Variants in PRKD1 observed in about 807,000 individuals in gnomAD.
PRKD1 encodes protein kinase D1.
Under a neutral mutation model 95.9 loss-of-function variants are expected in PRKD1, and 63 were observed. That is an observed-to-expected ratio of 0.66 (90% CI 0.54 to 0.81). PRKD1 has a LOEUF of 0.81. PRKD1 is among the 30% of genes least tolerant of loss of function. The pLI, the probability that PRKD1 is intolerant of heterozygous loss-of-function variation, is 0.00. For missense variants in PRKD1, 1,048 were observed against 1,165.3 expected (o/e 0.90, Z 1.47); for synonymous variants, 425 against 423.1 (o/e 1.00, Z -0.05).
intron 1 of PRKD1, among the ~76,000 whole-genome samples, chr14:29,839,849 G>A (rs1891760500): frequency 6.6e-6 from 1 of 151,986 alleles, no homozygotes; most frequent in African/African-American, 2.4e-5. Context: ...TGGAGCAGCT[G>A]GGATGCAGGG....
intron 1 of PRKD1, among the ~76,000 whole-genome samples, chr14:29,911,337 A>T (rs1048738915): frequency 3.9e-5 from 6 of 152,304 alleles, no homozygotes; most frequent in African/African-American, 1.4e-4. Context: ...CAAATCTGTT[A>T]GACTTATTAA....
intron 1 of PRKD1, among the ~76,000 whole-genome samples, chr14:29,826,263 TATAC>T (rs1284112787): frequency 3.4e-4 from 2 of 5,924 alleles, no homozygotes; most frequent in African/African-American, 1.2e-3. Context: ...GGAATATATA[TATAC>T]ATATATATGA....
At chr14:29,797,120 A>C (rs1889851578) in intron 1 of PRKD1, among the ~76,000 whole-genome samples, 1 of 152,208 alleles carries the variant, frequency 6.6e-6, no homozygotes, top group African/African-American at 2.4e-5. Flanking sequence ...CAGACCTACG[A>C]TAAAAAGGGA....
intron 1 of PRKD1, among the ~76,000 whole-genome samples, chr14:29,871,163 G>A (rs1317960942): frequency 6.6e-6 from 1 of 152,130 alleles, no homozygotes; most frequent in Non-Finnish European, 1.5e-5. Context: ...TCAAAACTGA[G>A]CAGAGACCTT....
At chr14:29,770,935 A>C (rs1295194926) in intron 1 of PRKD1, among the ~76,000 whole-genome samples, 1 of 149,810 alleles carries the variant, frequency 6.7e-6, no homozygotes, top group African/African-American at 2.4e-5. Context: ...CTGTCCAAAA[A>C]AAAAAAAAAA....
chr14:29,669,189 T>C (rs1359491362), intron 2 of PRKD1, among the ~76,000 whole-genome samples: 4 of 152,190 alleles, frequency 2.6e-5, no homozygotes, highest in African/African-American at 9.7e-5. Flanking sequence ...AAAAAATTAA[T>C]CCAGTTCTCA....
Position 29,927,269 on chromosome 14 carries a change from A to C in PRKD1, c.244T>G (p.Cys82Gly), listed in dbSNP as rs1474657301. Residue 82 changes from cysteine (C) to glycine (G), a missense_variant, in exon 1 of 18, where the codon TGC (cysteine) becomes GGC (glycine). Transcript: ENST00000331968. Reference protein sequence around the residue: ...YSLAHVREMACSIVDQKFPEC... With the variant: ...YSLAHVREMAGSIVDQKFPEC... ...CTTACCTTCTGGTCGACAATGGAGC[A>C]AGCCATCTCGCGGACGTGCGCCAGG... is the stretch of plus-strand genomic sequence containing the variant. The C allele has an allele frequency of 1.3e-6, 2 of 1,522,956 alleles. No individual in the cohort carries two copies. The highest frequency in any genetic ancestry group is 5.5e-5 in the East Asian group (2 of 36,282). 94.3% of individuals were successfully genotyped at this position (1,522,956 alleles called of 1,614,324 possible). A position where few individuals can be genotyped will look rare whatever the true frequency, so the allele number is the denominator to read the frequency against.
intron 2 of PRKD1, among the ~76,000 whole-genome samples, chr14:29,681,714 C>T (rs923321563): frequency 6.6e-6 from 1 of 152,168 alleles, no homozygotes; most frequent in African/African-American, 2.4e-5. Flanking sequence ...AGTAACTATA[C>T]ACTTAAATAT....
chr14:29,626,315 G>C (rs1302938610), intron 12 of PRKD1, among the ~76,000 whole-genome samples, 169 bp downstream of exon 12: 1 of 152,000 alleles, frequency 6.6e-6, no homozygotes, highest in Non-Finnish European at 1.5e-5. Context: ...AATTTTCCAA[G>C]TAGTAACTAT....
At chr14:29,854,774 G>T (rs755185217) in intron 1 of PRKD1, among the ~76,000 whole-genome samples, 3 of 152,188 alleles carry the variant, frequency 2.0e-5, no homozygotes, top group Non-Finnish European at 4.4e-5. Context: ...GGTTTCGTGG[G>T]CTGAGTCCAG....
At chr14:29,762,995 C>T (rs7161324) in intron 1 of PRKD1, among the ~76,000 whole-genome samples, 26,400 of 151,856 alleles carry the variant, frequency 0.17, 2,461 homozygotes, top group South Asian at 0.23. Context: ...CCACCCATCT[C>T]GGCCTCCCAA....
At chr14:29,655,638 T>TA (rs1440107518) in intron 4 of PRKD1, among the ~76,000 whole-genome samples, 1 of 152,152 alleles carries the variant, frequency 6.6e-6, no homozygotes, top group African/African-American at 2.4e-5. Flanking sequence ...TTGACCTAAA[T>TA]ACTTCTCCTC....
chr14:29,649,822 C>T (rs958546464), intron 4 of PRKD1, among the ~76,000 whole-genome samples: 1 of 151,852 alleles, frequency 6.6e-6, no homozygotes, highest in African/African-American at 2.4e-5. Context: ...TGACGATTTT[C>T]CTCCCATTTC....
At chr14:29,846,629 AGAAG>A (rs1892089131) in intron 1 of PRKD1, among the ~76,000 whole-genome samples, 1 of 152,182 alleles carries the variant, frequency 6.6e-6, no homozygotes, top group Non-Finnish European at 1.5e-5. Flanking sequence ...GAAGCCATGC[AGAAG>A]GTTTATAGCA....
At chr14:29,672,438 C>G (rs997142422) in intron 2 of PRKD1, among the ~76,000 whole-genome samples, 3 of 151,972 alleles carry the variant, frequency 2.0e-5, no homozygotes, top group Non-Finnish European at 4.4e-5. Context: ...AATATTTCCT[C>G]TCTTATACTA....
intron 1 of PRKD1, among the ~76,000 whole-genome samples, chr14:29,735,235 C>A (rs1886656928): frequency 2.0e-5 from 3 of 152,088 alleles, no homozygotes; most frequent in African/African-American, 4.8e-5. Flanking sequence ...GGTAAGAGTG[C>A]ATTTTTAGGA....
intron 13 of PRKD1, among the ~76,000 whole-genome samples, chr14:29,610,711 A>G (rs1320151743): frequency 6.6e-6 from 1 of 152,224 alleles, no homozygotes; most frequent in Non-Finnish European, 1.5e-5. Flanking sequence ...ACCTGCAGAG[A>G]TACTTATAAC....
At chr14:29,842,088 G>A (rs1284273893) in intron 1 of PRKD1, among the ~76,000 whole-genome samples, 1 of 152,140 alleles carries the variant, frequency 6.6e-6, no homozygotes, top group Non-Finnish European at 1.5e-5. Flanking sequence ...CCACTGGAAT[G>A]TATTTGGGGA....
intron 1 of PRKD1, among the ~76,000 whole-genome samples, chr14:29,834,818 G>A (rs1433857598): frequency 6.6e-6 from 1 of 151,990 alleles, no homozygotes; most frequent in Non-Finnish European, 1.5e-5. Flanking sequence ...TCTTAGAAAG[G>A]AAGAAACTGA....
Sources: gnomAD v4.1 joint callset for allele counts (sites outside exome capture counted in the v4.1 genomes callset) on GRCh38, gnomAD v4.1.1 for gene constraint, MANE v1.5 for transcripts, NCBI Gene and HGNC (gene_info 2026-07-23, HGNC 2026-07-21) for gene names.